MYO1B: variants seen among roughly 807,000 people sequenced by gnomAD.
MYO1B encodes the protein unconventional myosin-Ib.
Under a neutral mutation model 159.7 loss-of-function variants are expected in MYO1B, and 72 were observed. That is an observed-to-expected ratio of 0.45 (90% CI 0.37 to 0.55). MYO1B has a LOEUF of 0.55. Among genes scored for constraint, MYO1B ranks in the 20% least tolerant of loss-of-function variants. The pLI, the probability that MYO1B is intolerant of heterozygous loss-of-function variation, is 0.00. For synonymous variants in MYO1B, 468 were observed against 473.8 expected, an observed-to-expected ratio of 0.99 and a Z score of 0.16; for missense variants, 1,062 against 1,364.8, an observed-to-expected ratio of 0.78 and a Z score of 3.50.
intron 1 of MYO1B, among the ~76,000 whole-genome samples, chr2:191,257,210 C>G (rs543146637): frequency 5.9e-5 from 9 of 151,992 alleles, no homozygotes; most frequent in African/African-American, 2.2e-4. Flanking sequence ...TGAAGTTGCC[C>G]TTTACTTACT....
At chr2:191,398,819 C>T (rs1237661137) in intron 21 of MYO1B, among the ~76,000 whole-genome samples, 4 of 147,312 alleles carry the variant, frequency 2.7e-5, no homozygotes, top group South Asian at 2.2e-4. Context: ...ACCTCCCAGA[C>T]GATGGGCGGC....
rs575234046 is a variant in MYO1B, at chr2:191,362,472, C to T, written c.765+101C>T. 9.0e-6 allele frequency: 7 copies of T among 775,444 alleles called. No individual in the cohort carries two copies. In the African/African-American group the frequency reaches 1.2e-4, roughly 14 times the overall value. The allele number at this position is 775,444 out of a possible 1,614,324, so 48.0% of individuals were successfully genotyped here. On this transcript the variant is annotated intron_variant, in intron 9 of 30. Transcript: ENST00000392318. ...AGTTTTCTTTAAAGTGTAGCTCATT[C>T]TCCCTAAGGTTTTAGAATTATACAA...
Position 191,411,124 on chromosome 2 carries a change from T to C in MYO1B, c.2825T>C (p.Leu942Pro). 1 of 1,612,564 alleles carries C rather than the reference T, an allele frequency of 6.2e-7. No individual in the cohort carries two copies. Among genetic ancestry groups the C allele is most frequent in the Non-Finnish European group, 8.5e-7 (1 of 1,179,396 alleles). ...DQQKLIYEEK[L>P]EASELFKDKK... ...CAGAAACTTATTTATGAAGAGAAAC[T>C]AGAAGCCAGTGAACTCTTCAAAGAC... is the stretch of plus-strand genomic sequence containing the variant. Residue 942 changes from leucine (L) to proline (P), a missense_variant, in exon 27 of 31, where the codon CTA becomes CCA. This residue lies in a region of MYO1B where 609 missense variants were observed against 744.4 expected (regional missense o/e 0.82). Coordinates refer to ENST00000392318, the MANE Select transcript of MYO1B (RefSeq NM_001130158.3).
At chr2:191,342,520 A>G (rs1251862948) in intron 5 of MYO1B, among the ~76,000 whole-genome samples, 1 of 152,164 alleles carries the variant, frequency 6.6e-6, no homozygotes, top group East Asian at 1.9e-4. Context: ...GAAACAGTAT[A>G]TCAAAGTCTT....
In MYO1B at chr2:191,356,049, C is replaced by T. The variant is rs115793310; in HGVS notation, c.563-4582C>T. On this transcript the variant is annotated intron_variant, in intron 7 of 30. Coordinates refer to ENST00000392318, the MANE Select transcript of MYO1B (RefSeq NM_001130158.3). Reference sequence around the variant, plus strand: ...ACTCTTTTAAATTGTTTGAGATTTACAGCTTTGTTCTTCCTTTTATATCAT... The same window carrying T: ...ACTCTTTTAAATTGTTTGAGATTTATAGCTTTGTTCTTCCTTTTATATCAT... 5.8e-3 allele frequency among the ~76,000 whole-genome samples: 877 copies of T among 152,226 alleles called. 7 individuals carry two copies. The highest frequency in any genetic ancestry group is 0.02 in the African/African-American group (827 of 41,532).
At chr2:191,386,833 A>G (rs1008567050) in intron 16 of MYO1B, among the ~76,000 whole-genome samples, 1 of 152,212 alleles carries the variant, frequency 6.6e-6, no homozygotes, top group Non-Finnish European at 1.5e-5. Context: ...GATATTTATG[A>G]AAGTGTTAGT....
In MYO1B at chr2:191,295,947, T is replaced by C. The variant is rs144360655; in HGVS notation, c.136-164T>C. 3.3e-3 allele frequency among the ~76,000 whole-genome samples: 503 copies of C among 152,304 alleles called. 1 individual carries two copies. Among genetic ancestry groups the C allele is most frequent in the African/African-American group, 0.012 (484 of 41,574 alleles). ...CAAACTAAATAGACATTGTTGACCA[T>C]CTGTCTTCAGAGATGCAAAGCATTC... On this transcript the variant is annotated intron_variant, in intron 2 of 30. Coordinates refer to ENST00000392318, the MANE Select transcript of MYO1B (RefSeq NM_001130158.3).
rs1224344416 is a variant in MYO1B, at chr2:191,424,162, T to C, written c.*202T>C. The C allele has an allele frequency of 2.1e-5, 12 of 579,408 alleles. No homozygotes were observed. Among genetic ancestry groups the C allele is most frequent in the African/African-American group, 3.7e-5 (2 of 53,600 alleles). The allele number at this position is 579,408 out of a possible 1,614,324, so 35.9% of individuals were successfully genotyped here. On this transcript the variant is annotated 3_prime_UTR_variant, in exon 31 of 31. Transcript: ENST00000392318. ...ATACATGTTCTGTCCTGGAGCAGGA[T>C]TGTAGAAACTAACAGTGTCTATTTT...
intron 3 of MYO1B, among the ~76,000 whole-genome samples, chr2:191,313,645 A>G (rs963448568): frequency 1.3e-5 from 2 of 152,142 alleles, no homozygotes; most frequent in South Asian, 2.1e-4. Context: ...CGGCCCCCCA[A>G]AGTGCTGGGA....
intron 3 of MYO1B, among the ~76,000 whole-genome samples, chr2:191,297,683 C>T (rs750797446): frequency 8.5e-5 from 13 of 152,100 alleles, no homozygotes; most frequent in African/African-American, 1.9e-4. Flanking sequence ...ATATTGGTAG[C>T]GGGGCATTTG....
At chr2:191,402,341 G>A (rs541326471) in intron 23 of MYO1B, 34 of 399,284 alleles carry the variant, frequency 8.5e-5, no homozygotes, top group South Asian at 5.1e-4. Flanking sequence ...CGAACAGAGA[G>A]AGAGAACAGG....
intron 28 of MYO1B, 53 bp from the exon 29 acceptor site, chr2:191,414,464 A>T: frequency 6.6e-7 from 1 of 1,507,316 alleles, no homozygotes. Flanking sequence ...CTCATGGACC[A>T]TTTTTGAGTA....
intron 4 of MYO1B, among the ~76,000 whole-genome samples, chr2:191,333,184 C>T (rs1691603648): frequency 6.6e-6 from 1 of 152,158 alleles, no homozygotes; most frequent in Non-Finnish European, 1.5e-5. Context: ...TTTCCTTAGG[C>T]AGTCTCAACT....
intron 1 of MYO1B, among the ~76,000 whole-genome samples, chr2:191,258,458 TA>T (rs1404034007): frequency 1.3e-5 from 2 of 152,220 alleles, no homozygotes; most frequent in African/African-American, 4.8e-5. Context: ...CTGTAGACTT[TA>T]TAAACACTGT....
In MYO1B at chr2:191,261,882, A is replaced by G. The variant is rs143032601; in HGVS notation, c.-9-15005A>G. Reference sequence around the variant, plus strand: ...ATAACAAAAGATTGACAATAAATGTATATTTGTAGAGCTTCATTTAAAATG... The same window carrying G: ...ATAACAAAAGATTGACAATAAATGTGTATTTGTAGAGCTTCATTTAAAATG... On this transcript the variant is annotated intron_variant, in intron 1 of 30. Coordinates refer to ENST00000392318, the MANE Select transcript of MYO1B (RefSeq NM_001130158.3). Among the ~76,000 whole-genome samples the G allele has an allele frequency of 6.1e-4, 93 of 152,330 alleles. 1 individual carries two copies. The East Asian group carries it at 0.01, about 17-fold the overall frequency.
Position 191,363,783 on chromosome 2 carries a change from T to C in MYO1B, c.821T>C (p.Val274Ala), listed in dbSNP as rs759887352. 6.2e-7 allele frequency: 1 copy of C among 1,613,536 alleles called. No homozygotes were observed. The highest frequency in any genetic ancestry group is 8.5e-7 in the Non-Finnish European group (1 of 1,179,882). The change falls in exon 10 of 31, where the codon GTG becomes GCG. Residue 274 changes from valine (V) to alanine (A), a missense_variant. Coordinates refer to ENST00000392318, the MANE Select transcript of MYO1B (RefSeq NM_001130158.3). Reference protein sequence around the residue: ...MDHEAESVLAVVAAVLKLGNI... With the variant: ...MDHEAESVLAAVAAVLKLGNI... ...CATGAAGCTGAGTCTGTCTTGGCGG[T>C]GGTGGCAGCAGTGTTGAAACTGGGG...
chr2:191,422,436 A>G (rs116417786), intron 30 of MYO1B, among the ~76,000 whole-genome samples: 4,138 of 152,252 alleles, frequency 0.027, 75 homozygotes, highest in Middle Eastern at 0.068. Flanking sequence ...TTGTACACCT[A>G]AAGTCATCTC....
At chr2:191,315,374 T>C (rs1416916556) in intron 3 of MYO1B, among the ~76,000 whole-genome samples, 1 of 152,232 alleles carries the variant, frequency 6.6e-6, no homozygotes, top group Non-Finnish European at 1.5e-5. Context: ...CTATTCAAAA[T>C]AGTAAGCTGC....
chr2:191,388,147 G>C (rs1695509007), intron 17 of MYO1B: 1 of 152,530 alleles, frequency 6.6e-6, no homozygotes, highest in Admixed American at 6.5e-5. Flanking sequence ...AGCTGGGCGT[G>C]GTGGCAGGAA....
Sources: gnomAD v4.1 joint callset for allele counts (sites outside exome capture counted in the v4.1 genomes callset) on GRCh38, gnomAD v4.1.1 for gene constraint, gnomAD v4.1.1 regional missense constraint, MANE v1.5 for transcripts, NCBI Gene and HGNC (gene_info 2026-07-23, HGNC 2026-07-21) for gene names.